Variants in FGF14 observed in about 807,000 individuals in gnomAD.
FGF14 encodes the protein fibroblast growth factor homologous factor 4.
A neutral mutation model predicts 25.5 loss-of-function variants in FGF14; 5 were observed. That is an observed-to-expected ratio of 0.20 (90% CI 0.10 to 0.41). The LOEUF (loss-of-function observed/expected upper bound fraction) is 0.41, where lower values mean the gene tolerates loss of function less well. Among genes scored for constraint, FGF14 ranks in the 10% least tolerant of loss-of-function variants. FGF14 has a pLI of 1.00. For missense variants in FGF14, 222 were observed against 320.1 expected (o/e 0.69, Z 2.34); for synonymous variants, 138 against 118.3 (o/e 1.17, Z -1.08).
intron 1 of FGF14, among the ~76,000 whole-genome samples, chr13:102,051,530 T>G (rs1015449780): frequency 4.6e-5 from 7 of 152,164 alleles, no homozygotes; most frequent in Non-Finnish European, 8.8e-5. Flanking sequence ...ACTTCCCCAC[T>G]GTGAGAAAAG....
chr13:101,764,676 C>CT (rs2038267365), intron 3 of FGF14, among the ~76,000 whole-genome samples: 1 of 152,146 alleles, frequency 6.6e-6, no homozygotes, highest in African/African-American at 2.4e-5. Flanking sequence ...ACGATGTAGG[C>CT]TTAGTGGGAT....
chr13:101,973,557 A>G (rs900058953), intron 1 of FGF14, among the ~76,000 whole-genome samples: 1 of 152,230 alleles, frequency 6.6e-6, no homozygotes, highest in African/African-American at 2.4e-5. Flanking sequence ...GCTGAGGAGC[A>G]AGGAGAGGCA....
chr13:102,084,565 G>A lies in FGF14; in HGVS notation c.209-209269C>T, dbSNP rs573408364. On this transcript the variant is annotated intron_variant, in intron 1 of 4. Transcript: ENST00000376131. Reference sequence around the variant, plus strand: ...TTAGCGTTATCTGCTAATCATTTCAGGACAGAGCACACAATTAAGGTCGGT... The same window carrying A: ...TTAGCGTTATCTGCTAATCATTTCAAGACAGAGCACACAATTAAGGTCGGT... Among the ~76,000 whole-genome samples, 3 of 152,122 alleles carry A rather than the reference G, an allele frequency of 2.0e-5. No homozygotes were observed. In the South Asian group the frequency reaches 6.2e-4, roughly 32 times the overall value.
intron 1 of FGF14, among the ~76,000 whole-genome samples, chr13:102,214,948 C>T (rs893635679): frequency 2.0e-5 from 3 of 152,094 alleles, no homozygotes; most frequent in Admixed American, 6.6e-5. Context: ...TACTCATCAG[C>T]CTGAAGAGTT....
chr13:102,375,970 T>A (rs1354704021), intron 1 of FGF14, among the ~76,000 whole-genome samples: 1 of 152,190 alleles, frequency 6.6e-6, no homozygotes. Context: ...CTAGAGTACA[T>A]CTCCACATTG....
chr13:101,837,171 T>A (rs558637518), intron 3 of FGF14, among the ~76,000 whole-genome samples: 1 of 151,548 alleles, frequency 6.6e-6, no homozygotes, highest in South Asian at 2.1e-4. Context: ...GTACTATATG[T>A]GTGTGTGTGT....
At chr13:102,041,934 T>C (rs1457979790) in intron 1 of FGF14, among the ~76,000 whole-genome samples, 1 of 152,152 alleles carries the variant, frequency 6.6e-6, no homozygotes, top group East Asian at 1.9e-4. Flanking sequence ...CTAAGTTCCA[T>C]TGCTTGAGAA....
At position 101,822,754 on chromosome 13, in the gene FGF14, G is replaced by C. The variant is rs1188644054; in HGVS notation, c.408+45971C>G. 2.0e-5 allele frequency among the ~76,000 whole-genome samples: 3 copies of C among 152,122 alleles called. No individual in the cohort carries two copies. The East Asian group carries it at 5.8e-4, about 29-fold the overall frequency. ...GGAACATTTCAAATCCACTCTTCTA[G>C]TTATTTTAAAGTATACAATAAATTA... On this transcript the variant is annotated intron_variant, in intron 3 of 4. Transcript: ENST00000376143.
At chr13:101,758,262 G>A (rs1337113546) in intron 3 of FGF14, among the ~76,000 whole-genome samples, 1 of 152,156 alleles carries the variant, frequency 6.6e-6, no homozygotes, top group African/African-American at 2.4e-5. Context: ...ACAAGGAAAT[G>A]GAAGCTGAGA....
intron 1 of FGF14, among the ~76,000 whole-genome samples, chr13:102,033,931 TGCCTGAAAA>T (rs1395735739): frequency 3.3e-5 from 5 of 152,214 alleles, no homozygotes; most frequent in Admixed American, 2.0e-4. Context: ...GAACGCTGTC[TGCCTGAAAA>T]GCCATTCATT....
At chr13:101,856,245 T>C (rs748878478) in intron 3 of FGF14, among the ~76,000 whole-genome samples, 2 of 151,842 alleles carry the variant, frequency 1.3e-5, no homozygotes, top group Non-Finnish European at 2.9e-5. Context: ...TAGACAACTT[T>C]TGAATGGTTT....
At chr13:102,402,037 T>G, upstream of FGF14, 1 of 134,834 alleles carries the variant, frequency 7.4e-6, no homozygotes, top group Non-Finnish European at 1.3e-5. Flanking sequence ...GTGTAGCCCC[T>G]AGGAGAGAAG....
chr13:102,112,064 A>G (rs2045256730), intron 1 of FGF14, among the ~76,000 whole-genome samples: 2 of 152,058 alleles, frequency 1.3e-5, no homozygotes, highest in African/African-American at 4.8e-5. Flanking sequence ...ATTAATAATT[A>G]TTATTAGCAT....
intron 1 of FGF14, among the ~76,000 whole-genome samples, chr13:102,252,661 ATTC>A (rs778739571): frequency 1.0e-3 from 156 of 151,704 alleles, no homozygotes; most frequent in Non-Finnish European, 1.8e-3. Flanking sequence ...TTGTATTCTT[ATTC>A]TTTTTTTTTT....
At chr13:102,176,950 A>C (rs1444745315) in intron 1 of FGF14, among the ~76,000 whole-genome samples, 1 of 152,166 alleles carries the variant, frequency 6.6e-6, no homozygotes. Context: ...TCATTATTAG[A>C]TCAGTGCTTA....
intron 1 of FGF14, among the ~76,000 whole-genome samples, chr13:102,069,817 A>G (rs967332649): frequency 1.3e-5 from 2 of 152,162 alleles, no homozygotes; most frequent in Admixed American, 1.3e-4. Context: ...GAGACCAAGA[A>G]CCCACCAATT....
intron 1 of FGF14, among the ~76,000 whole-genome samples, chr13:102,257,774 A>G (rs554626774): frequency 1.3e-5 from 2 of 152,164 alleles, no homozygotes; most frequent in African/African-American, 2.4e-5. Flanking sequence ...CAAGAACCCA[A>G]GCATTTGACA....
chr13:102,072,266 GA>G (rs1366371072), intron 1 of FGF14, among the ~76,000 whole-genome samples: 2 of 152,132 alleles, frequency 1.3e-5, no homozygotes, highest in African/African-American at 4.8e-5. Flanking sequence ...AACTCTTGGG[GA>G]AAATTGGGTC....
At chr13:101,894,598 T>C (rs1319981370) in intron 1 of FGF14, among the ~76,000 whole-genome samples, 2 of 152,314 alleles carry the variant, frequency 1.3e-5, no homozygotes, top group East Asian at 3.9e-4. Context: ...AGAGGCTCTT[T>C]ATAGCATGTT....
Sources: allele counts gnomAD v4.1 joint callset (sites outside exome capture counted in the v4.1 genomes callset), GRCh38; gene constraint gnomAD v4.1.1; transcripts MANE v1.5; gene names NCBI Gene and HGNC (gene_info 2026-07-23, HGNC 2026-07-21).